Variants in SNX29 observed in about 807,000 individuals in gnomAD.
SNX29 encodes sorting nexin-29.
In SNX29, 78 loss-of-function variants were observed where a neutral mutation model predicts 102.1. The observed-to-expected ratio is 0.76, with a 90% CI of 0.64 to 0.92. The LOEUF (loss-of-function observed/expected upper bound fraction) is 0.92, where lower values mean the gene tolerates loss of function less well. Among genes scored for constraint, SNX29 ranks in the 40% least tolerant of loss-of-function variants. SNX29 has a pLI of 0.00. For synonymous variants in SNX29, 580 were observed against 414.5 expected, an observed-to-expected ratio of 1.40 and a Z score of -4.85; for missense variants, 1,280 against 1,061.7, an observed-to-expected ratio of 1.21 and a Z score of -2.86.
At chr16:12,415,498 T>G (rs1023067634) in intron 18 of SNX29, among the ~76,000 whole-genome samples, 1 of 152,224 alleles carries the variant, frequency 6.6e-6, no homozygotes, top group African/African-American at 2.4e-5. Flanking sequence ...GAGTATAAAC[T>G]TAAAAAACTT....
chr16:12,407,490 A>G (rs972480691), intron 18 of SNX29, among the ~76,000 whole-genome samples: 1 of 152,256 alleles, frequency 6.6e-6, no homozygotes, highest in African/African-American at 2.4e-5. Context: ...AACAATCGTG[A>G]AAACAGTCCA....
intron 16 of SNX29, among the ~76,000 whole-genome samples, chr16:12,358,295 C>A (rs1047717601): frequency 6.6e-6 from 1 of 152,170 alleles, no homozygotes; most frequent in African/African-American, 2.4e-5. Context: ...CCATAATTCC[C>A]GTAGCCCTTG....
chr16:12,461,978 A>AAT (rs71139595), intron 18 of SNX29, among the ~76,000 whole-genome samples: 1,361 of 27,238 alleles, frequency 0.05, 46 homozygotes, highest in Non-Finnish European at 0.066. Context: ...AAAAAAAAAA[A>AAT]ATATATATAT....
intron 1 of SNX29, among the ~76,000 whole-genome samples, chr16:11,987,787 A>G (rs1187570937): frequency 1.3e-5 from 2 of 152,226 alleles, no homozygotes; most frequent in African/African-American, 4.8e-5. Context: ...AACATAGAGG[A>G]CCAGGTGAAA....
At chr16:12,190,327 A>T (rs1028623653) in intron 13 of SNX29, among the ~76,000 whole-genome samples, 4 of 152,036 alleles carry the variant, frequency 2.6e-5, no homozygotes, top group African/African-American at 9.7e-5. Context: ...ATTTCATGGT[A>T]CAGAGAAAAA....
chr16:12,379,796 G>A (rs1271021113), intron 16 of SNX29, among the ~76,000 whole-genome samples: 8 of 152,166 alleles, frequency 5.3e-5, no homozygotes, highest in Admixed American at 5.2e-4. Context: ...GAGGGTTTTG[G>A]TGATTGGCTT....
Position 12,568,555 on chromosome 16 carries a change from T to G in SNX29, c.2368T>G (p.Ser790Ala), listed in dbSNP as rs2079110962. 2 of 1,609,298 alleles carry G rather than the reference T, an allele frequency of 1.2e-6. No individual in the cohort carries two copies. The highest frequency in any genetic ancestry group is 2.2e-5 in the East Asian group (1 of 44,844). The part of the protein sequence containing the change: ...EPVNSRPKAA[S>A]RFPKLSRGQP... ...TGTGAACAGCCGGCCCAAAGCAGCT[T>G]CCCGCTTCCCCAAACTGTCCCGGGG... The change falls in exon 21 of 21, where the codon TCC becomes GCC. Residue 790 changes from serine (S) to alanine (A), a missense_variant. By Grantham distance (99) the Ser-to-Ala change is moderately conservative. Coordinates refer to ENST00000566228, the MANE Select transcript of SNX29 (RefSeq NM_032167.5).
At chr16:12,071,346 A>G (rs542981580) in intron 10 of SNX29, among the ~76,000 whole-genome samples, 7 of 152,228 alleles carry the variant, frequency 4.6e-5, no homozygotes, top group East Asian at 3.9e-4. Flanking sequence ...TAATTTTTGT[A>G]TAAGGTGTAA....
intron 20 of SNX29, among the ~76,000 whole-genome samples, chr16:12,561,368 G>C (rs141703515): frequency 6.6e-6 from 1 of 152,116 alleles, no homozygotes; most frequent in African/African-American, 2.4e-5. Context: ...AGGGAGCTAG[G>C]TCGTGGAAGA....
Position 12,572,859 on chromosome 16 carries a change from A to C in SNX29, c.*4230A>C, listed in dbSNP as rs908591938. 1 of 1,063,132 alleles carries C rather than the reference A, an allele frequency of 9.4e-7. No individual in the cohort carries two copies. Among genetic ancestry groups the C allele is most frequent in the African/African-American group, 1.6e-5 (1 of 60,954 alleles). 65.9% of individuals were successfully genotyped at this position (1,063,132 alleles called of 1,614,324 possible). A position where few individuals can be genotyped will look rare whatever the true frequency, so the allele number is the denominator to read the frequency against. On this transcript the variant is annotated 3_prime_UTR_variant, in exon 21 of 21. Coordinates refer to ENST00000566228, the MANE Select transcript of SNX29 (RefSeq NM_032167.5). The stretch of plus-strand genomic sequence containing the variant: ...AGCCTCATGCCCAGGTTTCAGCCCT[A>C]AAGGTAATGATTGTCTTGACTCTGC...
In SNX29 at chr16:12,572,730, C is replaced by T. The variant is rs1245774176; in HGVS notation, c.*4101C>T. On this transcript the variant is annotated 3_prime_UTR_variant, in exon 21 of 21. Transcript: ENST00000566228. The stretch of plus-strand genomic sequence containing the variant: ...TCCAGCCTTGGCACAGAACTGATGG[C>T]AAAGGAAGGGCTGGGTTTTCAGCTT... 58 of 1,063,998 alleles carry T rather than the reference C, an allele frequency of 5.5e-5. No individual in the cohort carries two copies. Among genetic ancestry groups the T allele is most frequent in the East Asian group, 4.0e-4 (8 of 19,888 alleles). 65.9% of individuals were successfully genotyped at this position (1,063,998 alleles called of 1,614,324 possible).
At chr16:12,382,211 T>G (rs922571504) in intron 16 of SNX29, among the ~76,000 whole-genome samples, 1 of 152,116 alleles carries the variant, frequency 6.6e-6, no homozygotes, top group East Asian at 1.9e-4. Context: ...TCAATTTTCA[T>G]TACTCCACCA....
chr16:12,338,629 G>T (rs2081523194), intron 15 of SNX29, among the ~76,000 whole-genome samples: 1 of 152,112 alleles, frequency 6.6e-6, no homozygotes, highest in Non-Finnish European at 1.5e-5. Flanking sequence ...TTCACACCAG[G>T]TCTCCCAGAA....
At chr16:12,454,047 C>G (rs2086425019) in intron 18 of SNX29, among the ~76,000 whole-genome samples, 1 of 152,114 alleles carries the variant, frequency 6.6e-6, no homozygotes, top group South Asian at 2.1e-4. Context: ...TCCCTTGCAG[C>G]TACATATGGC....
intron 3 of SNX29, among the ~76,000 whole-genome samples, chr16:12,017,363 T>C (rs2056882747): frequency 6.6e-6 from 1 of 152,198 alleles, no homozygotes; most frequent in African/African-American, 2.4e-5. Context: ...CCTTTTGTGG[T>C]TGATTTCTTC....
chr16:12,044,703 C>T (rs459292), intron 5 of SNX29, among the ~76,000 whole-genome samples: 56,661 of 151,964 alleles, frequency 0.37, 11,110 homozygotes, highest in Middle Eastern at 0.45. Flanking sequence ...CTCAGCCTCC[C>T]GAGTAGCTGG....
In SNX29 at chr16:12,568,906, C is replaced by A; in HGVS notation, c.*277C>A. ...TCTACCCTGGGCTGCAAGGGCTGTT[C>A]CTCCACCTTTCTGTAGTTCAGGGCT... On this transcript the variant is annotated 3_prime_UTR_variant, in exon 21 of 21. Coordinates refer to ENST00000566228, the MANE Select transcript of SNX29 (RefSeq NM_032167.5). The A allele has an allele frequency of 2.1e-6, 1 of 474,926 alleles. No individual in the cohort carries two copies. Among genetic ancestry groups the A allele is most frequent in the Non-Finnish European group, 3.7e-6 (1 of 270,796 alleles). 29.4% of individuals were successfully genotyped at this position (474,926 alleles called of 1,614,324 possible). A position where few individuals can be genotyped will look rare whatever the true frequency, so the allele number is the denominator to read the frequency against.
intron 18 of SNX29, among the ~76,000 whole-genome samples, chr16:12,444,775 C>G (rs753807022): frequency 6.6e-6 from 1 of 152,080 alleles, no homozygotes; most frequent in Admixed American, 6.5e-5. Flanking sequence ...GAACCCCTTC[C>G]TCTAGATCAG....
intron 14 of SNX29, among the ~76,000 whole-genome samples, chr16:12,277,137 C>A (rs1016075338): frequency 6.6e-6 from 1 of 152,146 alleles, no homozygotes; most frequent in Admixed American, 6.5e-5. Flanking sequence ...CCTGTAGTCT[C>A]AGCACTTTGG....
Sources: allele counts gnomAD v4.1 joint callset (sites outside exome capture counted in the v4.1 genomes callset), GRCh38; gene constraint gnomAD v4.1.1; transcripts MANE v1.5; gene names NCBI Gene and HGNC (gene_info 2026-07-23, HGNC 2026-07-21).